Variants in PHLDB2 observed in about 807,000 individuals in gnomAD.
PHLDB2 encodes pleckstrin homology-like domain family B member 2.
PHLDB2 carries 71 observed loss-of-function variants against 123.6 expected under a neutral mutation model. That is an observed-to-expected ratio of 0.57 (90% CI 0.47 to 0.70). The LOEUF is 0.70. Ranked by LOEUF, PHLDB2 falls within the 30% of genes least tolerant of loss-of-function variation. The probability of loss-of-function intolerance (pLI) is 0.00; values close to 1 mark genes in which losing one functional copy is unlikely to be tolerated. For missense variants in PHLDB2, 1,446 were observed against 1,519.5 expected (o/e 0.95, Z 0.80); for synonymous variants, 547 against 541.6 (o/e 1.01, Z -0.14).
chr3:111,811,034 T>C (rs1468222935), intron 1 of PHLDB2, among the ~76,000 whole-genome samples: 1 of 152,128 alleles, frequency 6.6e-6, no homozygotes, highest in Non-Finnish European at 1.5e-5. Context: ...GGGAAACATC[T>C]TTGCTATTAA....
chr3:111,734,089 T>C (rs185118082), intron 1 of PHLDB2, among the ~76,000 whole-genome samples: 1 of 152,318 alleles, frequency 6.6e-6, no homozygotes, highest in Admixed American at 6.5e-5. Context: ...ACATAAACCC[T>C]TGTGTGACTT....
chr3:111,958,543 G>A (rs1342800129), intron 12 of PHLDB2, among the ~76,000 whole-genome samples: 1 of 152,076 alleles, frequency 6.6e-6, no homozygotes, highest in South Asian at 2.1e-4. Context: ...TAATAAATGG[G>A]CCTTGCACAT....
intron 1 of PHLDB2, among the ~76,000 whole-genome samples, chr3:111,838,033 C>G (rs1333221161): frequency 8.0e-6 from 1 of 125,060 alleles, no homozygotes; most frequent in Non-Finnish European, 1.7e-5. Context: ...CAGAGGGAGA[C>G]TCTGTCTCAA....
chr3:111,869,383 T>C (rs2065233247), intron 1 of PHLDB2, among the ~76,000 whole-genome samples: 1 of 152,152 alleles, frequency 6.6e-6, no homozygotes, highest in Non-Finnish European at 1.5e-5. Context: ...CCTTTGAGTC[T>C]TTTGTTCTTT....
chr3:111,922,661 C>T (rs2175908), intron 5 of PHLDB2, among the ~76,000 whole-genome samples: 55,853 of 152,080 alleles, frequency 0.37, 10,740 homozygotes, highest in East Asian at 0.7. Flanking sequence ...GATGTTACTA[C>T]GTATTCTTGA....
At chr3:111,970,338 A>G (rs945964464) in intron 16 of PHLDB2, among the ~76,000 whole-genome samples, 1 of 152,200 alleles carries the variant, frequency 6.6e-6, no homozygotes, top group Non-Finnish European at 1.5e-5. Flanking sequence ...GGGTGGGATC[A>G]GAAAAAATAT....
At chr3:111,855,096 G>A (rs979879154), upstream of PHLDB2, among the ~76,000 whole-genome samples, 2 of 151,756 alleles carry the variant, frequency 1.3e-5, no homozygotes, top group African/African-American at 2.4e-5. Flanking sequence ...TGGAATTAGG[G>A]TAAAAAGAAA....
chr3:111,947,353 T>C (rs1388562562), intron 9 of PHLDB2, among the ~76,000 whole-genome samples: 1 of 152,210 alleles, frequency 6.6e-6, no homozygotes, highest in African/African-American at 2.4e-5. Flanking sequence ...AGTACAACAA[T>C]GAGTTGCTAT....
rs1359368299 is a variant in PHLDB2 at position 111,854,173 on chromosome 3, C to T, written c.67+8238C>T. 2.0e-5 allele frequency among the ~76,000 whole-genome samples: 3 copies of T among 152,178 alleles called. No individual in the cohort carries two copies. The East Asian group carries it at 5.8e-4, about 29-fold the overall frequency. On this transcript the variant is annotated intron_variant, in intron 2 of 17. Transcript: ENST00000393923. ...GGGGAAATGCCAGACACTTACAAAA[C>T]CATCAGATCTCATGAGAACTCACTA... is the stretch of plus-strand genomic sequence containing the variant.
chr3:111,966,536 G>C (rs1272371932), intron 13 of PHLDB2, 77 bp from the exon 14 acceptor site: 2 of 847,562 alleles, frequency 2.4e-6, no homozygotes, highest in Non-Finnish European at 3.9e-6. Context: ...GGGTGTGTGT[G>C]TGTGTGTGTG....
At chr3:111,814,579 A>G (rs2061985476) in intron 1 of PHLDB2, among the ~76,000 whole-genome samples, 1 of 151,800 alleles carries the variant, frequency 6.6e-6, no homozygotes, top group Admixed American at 6.6e-5. Flanking sequence ...AGATGTCTGC[A>G]TGGTTCATGT....
intron 1 of PHLDB2, among the ~76,000 whole-genome samples, chr3:111,776,563 C>T (rs954917241): frequency 6.6e-5 from 10 of 152,138 alleles, no homozygotes; most frequent in African/African-American, 2.2e-4. Context: ...CTTTTCCTGC[C>T]TAGATACTAA....
chr3:111,757,089 C>G (rs2107993667), intron 1 of PHLDB2, among the ~76,000 whole-genome samples: 1 of 152,248 alleles, frequency 6.6e-6, no homozygotes, highest in African/African-American at 2.4e-5. Flanking sequence ...ACATTTTTTC[C>G]TTCATTTCAA....
chr3:111,853,012 C>G (rs755510225), intron 2 of PHLDB2, among the ~76,000 whole-genome samples: 3 of 151,976 alleles, frequency 2.0e-5, no homozygotes, highest in African/African-American at 4.8e-5. Flanking sequence ...CCTTTTTATG[C>G]CCCTAGGAGG....
chr3:111,895,873 CATCT>C (rs66478861), intron 2 of PHLDB2, among the ~76,000 whole-genome samples: 14 of 148,700 alleles, frequency 9.4e-5, no homozygotes, highest in African/African-American at 3.0e-4. Flanking sequence ...TCTATCTATC[CATCT>C]ATCTATCTAT....
In PHLDB2 at chr3:111,885,067, T is replaced by C. The variant is rs750895480; in HGVS notation, c.990T>C (p.Ser330=). 1 of 1,614,218 alleles carries C rather than the reference T, an allele frequency of 6.2e-7. No homozygotes were observed. Among genetic ancestry groups the C allele is most frequent in the Non-Finnish European group, 8.5e-7 (1 of 1,180,028 alleles). The change falls in exon 2 of 18, where the codon AGT becomes AGC. Residue 330 remains serine, a synonymous_variant. Transcript: ENST00000431670. ...EGNPYVSSTL[S]VPASPRVARK... ...ATCCTTATGTAAGTTCTACCCTCAG[T>C]GTCCCTGCCAGTCCACGAGTGGCTC... is the stretch of plus-strand genomic sequence containing the variant.
chr3:111,922,088 A>G (rs4419356), intron 5 of PHLDB2, among the ~76,000 whole-genome samples: 4,444 of 152,330 alleles, frequency 0.029, 100 homozygotes, highest in Non-Finnish European at 0.041. Flanking sequence ...ATTATCAAGT[A>G]AATATTAATT....
chr3:111,753,457 G>T (rs1306719044), intron 1 of PHLDB2, among the ~76,000 whole-genome samples: 3 of 148,866 alleles, frequency 2.0e-5, no homozygotes, highest in African/African-American at 7.5e-5. Context: ...CTTTTGAGAA[G>T]TGTCTGTTCA....
In PHLDB2 at chr3:111,953,976, C is replaced by A. The variant is rs530126533; in HGVS notation, c.2819C>A (p.Pro940His). 1.9e-6 allele frequency: 3 copies of A among 1,613,728 alleles called. No individual in the cohort carries two copies. In the East Asian group the frequency reaches 6.7e-5, roughly 36 times the overall value. Residue 940 changes from proline to histidine, a missense_variant, in exon 12 of 18, where the codon CCT (proline) becomes CAT (histidine). Around this residue, in one of 3 missense-constraint regions of PHLDB2, gnomAD observed 594 missense variants for 646.0 expected, o/e 0.92. Transcript: ENST00000431670. ...AGTAACAGCTGTGGAAGTGTGCTCC[C>A]TCCCTCACTGGCAGCCATGGCCAAA... The part of the protein sequence containing the change: ...GQSNSCGSVL[P>H]PSLAAMAKDS...
Sources: allele counts gnomAD v4.1 joint callset (sites outside exome capture counted in the v4.1 genomes callset), GRCh38; gene constraint gnomAD v4.1.1; regional missense constraint gnomAD v4.1.1; transcripts MANE v1.5; gene names NCBI Gene and HGNC (gene_info 2026-07-23, HGNC 2026-07-21).